The following MGAT5 variants were observed in gnomAD, a reference collection of about 807,000 sequenced individuals.
The protein encoded by MGAT5 is alpha-1,6-mannosylglycoprotein 6-beta-N-acetylglucosaminyltransferase A.
A neutral mutation model predicts 94.3 loss-of-function variants in MGAT5; 30 were observed. That is an observed-to-expected ratio of 0.32 (90% CI 0.24 to 0.43). MGAT5 has a LOEUF of 0.43. Ranked by LOEUF, MGAT5 falls within the 20% of genes least tolerant of loss-of-function variation. The pLI, the probability that MGAT5 is intolerant of heterozygous loss-of-function variation, is 1.00. For missense variants in MGAT5, 691 were observed against 905.5 expected, an observed-to-expected ratio of 0.76 and a Z score of 3.04; for synonymous variants, 310 against 322.9, an observed-to-expected ratio of 0.96 and a Z score of 0.43.
intron 1 of MGAT5, among the ~76,000 whole-genome samples, chr2:134,189,602 G>GTTGTTTTTTTTTTTTTTT (rs1689232395): frequency 1.4e-4 from 12 of 84,668 alleles, no homozygotes; most frequent in African/African-American, 4.8e-4. Context: ...GTTTTTTTTT[G>GTTGTTTTTTTTTTTTTTT]TTTTTTTTTT....
chr2:134,141,751 G>C (rs1686667036), intron 1 of MGAT5, among the ~76,000 whole-genome samples: 1 of 152,190 alleles, frequency 6.6e-6, no homozygotes, highest in African/African-American at 2.4e-5. Context: ...TTGCCAGCAG[G>C]GGCCATGTGG....
chr2:134,245,471 T>G (rs1469805694), intron 1 of MGAT5, among the ~76,000 whole-genome samples: 1 of 152,190 alleles, frequency 6.6e-6, no homozygotes, highest in African/African-American at 2.4e-5. Flanking sequence ...CCTCTTTCCC[T>G]TTTGTCCACC....
chr2:134,256,864 ACTTTAACGTAT>A (rs1318629554), intron 1 of MGAT5, among the ~76,000 whole-genome samples: 1 of 152,208 alleles, frequency 6.6e-6, no homozygotes, highest in East Asian at 1.9e-4. Flanking sequence ...CATCGAATCA[ACTTTAACGTAT>A]CAAAGTGGTT....
intron 1 of MGAT5, among the ~76,000 whole-genome samples, chr2:134,234,037 A>C (rs767294559): frequency 5.9e-5 from 9 of 152,222 alleles, no homozygotes; most frequent in Non-Finnish European, 5.9e-5. Flanking sequence ...GCTAGATGCT[A>C]TGTCCTTTCA....
intron 2 of MGAT5, among the ~76,000 whole-genome samples, chr2:134,310,438 G>A (rs1290683700): frequency 1.3e-5 from 2 of 152,214 alleles, no homozygotes; most frequent in African/African-American, 2.4e-5. Context: ...GTTGAATGGT[G>A]TGGTTTCAGA....
chr2:134,132,242 T>C (rs1371174249), intron 1 of MGAT5, among the ~76,000 whole-genome samples: 1 of 152,208 alleles, frequency 6.6e-6, no homozygotes, highest in Non-Finnish European at 1.5e-5. Flanking sequence ...CTTTTTCCCT[T>C]TTTAGAAAAC....
intron 14 of MGAT5, among the ~76,000 whole-genome samples, chr2:134,435,987 G>A (rs1378238461): frequency 1.3e-5 from 2 of 152,176 alleles, no homozygotes; most frequent in African/African-American, 4.8e-5. Context: ...GCCAAAAGGT[G>A]GATCTTGTGG....
chr2:134,204,045 G>C (rs943162677), intron 1 of MGAT5, among the ~76,000 whole-genome samples: 6 of 152,164 alleles, frequency 3.9e-5, no homozygotes, highest in Admixed American at 1.3e-4. Context: ...CCTTTGTACA[G>C]GTACTTATAA....
chr2:134,167,561 T>G (rs1688019228), intron 1 of MGAT5, among the ~76,000 whole-genome samples: 1 of 152,186 alleles, frequency 6.6e-6, no homozygotes, highest in Non-Finnish European at 1.5e-5. Flanking sequence ...GTCTACACTT[T>G]GAGAACCACT....
intron 1 of MGAT5, among the ~76,000 whole-genome samples, chr2:134,243,941 TG>T (rs1682100355): frequency 6.6e-6 from 1 of 152,222 alleles, no homozygotes; most frequent in Non-Finnish European, 1.5e-5. Context: ...CCCATATTTT[TG>T]AAATAAGTGT....
chr2:134,169,423 C>G (rs557572776), intron 1 of MGAT5, among the ~76,000 whole-genome samples: 76 of 151,306 alleles, frequency 5.0e-4, no homozygotes, highest in African/African-American at 1.6e-3. Flanking sequence ...GACACACACA[C>G]ACACACACAC....
At chr2:134,278,354 T>G (rs1684502529) in intron 2 of MGAT5, among the ~76,000 whole-genome samples, 1 of 152,152 alleles carries the variant, frequency 6.6e-6, no homozygotes, top group African/African-American at 2.4e-5. Flanking sequence ...TAGTTTTCAG[T>G]CCCAGACGGC....
intron 1 of MGAT5, among the ~76,000 whole-genome samples, chr2:134,202,234 A>C (rs945492826): frequency 2.0e-5 from 3 of 152,194 alleles, no homozygotes; most frequent in African/African-American, 7.2e-5. Context: ...ATATGTTGAA[A>C]TCTAATCCCC....
rs1301237640 is a variant in MGAT5 at position 134,450,001 on chromosome 2, G to A, written c.*1154G>A. ...TCACCTGAGGGTGTAGCTCGCAAAG[G>A]TGGGAATCTGGTGCTGGCTTTTCCT... On this transcript the variant is annotated 3_prime_UTR_variant, in exon 16 of 16. Transcript: ENST00000281923. The A allele has an allele frequency of 6.6e-6, 1 of 152,358 alleles. No individual in the cohort carries two copies. Among genetic ancestry groups the A allele is most frequent in the Admixed American group, 6.5e-5 (1 of 15,288 alleles). 9.4% of individuals were successfully genotyped at this position (152,358 alleles called of 1,614,324 possible).
intron 2 of MGAT5, among the ~76,000 whole-genome samples, chr2:134,305,086 TATACATTCTC>T (rs139507214): frequency 0.15 from 22,491 of 152,178 alleles, 1,792 homozygotes; most frequent in Middle Eastern, 0.37. Flanking sequence ...CAGCTTCTTT[TATACATTCTC>T]TCTGTCCTAC....
chr2:134,258,012 C>T (rs778982691), intron 1 of MGAT5, among the ~76,000 whole-genome samples: 1 of 151,938 alleles, frequency 6.6e-6, no homozygotes, highest in Non-Finnish European at 1.5e-5. Context: ...TTGGTATAAT[C>T]AGAGGCTTTT....
chr2:134,327,841 T>G (rs1440378469), intron 4 of MGAT5, among the ~76,000 whole-genome samples: 1 of 152,108 alleles, frequency 6.6e-6, no homozygotes, highest in Non-Finnish European at 1.5e-5. Flanking sequence ...TTATTTTCAT[T>G]GTCACTTAGC....
At chr2:134,266,182 A>G (rs915282078) in intron 1 of MGAT5, among the ~76,000 whole-genome samples, 3 of 150,214 alleles carry the variant, frequency 2.0e-5, no homozygotes, top group Non-Finnish European at 3.0e-5. Flanking sequence ...AAAAAAGATT[A>G]AAACACAAAA....
chr2:134,394,768 T>G (rs534194547), intron 10 of MGAT5, among the ~76,000 whole-genome samples: 115 of 152,338 alleles, frequency 7.5e-4, no homozygotes, highest in African/African-American at 2.5e-3. Context: ...AATTCTTCCC[T>G]GACAACTCTC....
Sources: gnomAD v4.1 joint callset for allele counts (sites outside exome capture counted in the v4.1 genomes callset) on GRCh38, gnomAD v4.1.1 for gene constraint, MANE v1.5 for transcripts, NCBI Gene and HGNC (gene_info 2026-07-23, HGNC 2026-07-21) for gene names.